USP6NL: variants seen among roughly 807,000 people sequenced by gnomAD.
The protein encoded by USP6NL is USP6 N-terminal like.
A neutral mutation model predicts 61.9 loss-of-function variants in USP6NL; 26 were observed. That is an observed-to-expected ratio of 0.42 (90% CI 0.31 to 0.58). The LOEUF (loss-of-function observed/expected upper bound fraction) is 0.58. Among genes scored for constraint, USP6NL ranks in the 20% least tolerant of loss-of-function variants. USP6NL has a pLI of 0.16. For synonymous variants in USP6NL, 432 were observed against 390.1 expected (o/e 1.11, Z -1.27); for missense variants, 1,114 against 1,034.3 (o/e 1.08, Z -1.06).
intron 6 of USP6NL, among the ~76,000 whole-genome samples, chr10:11,504,794 A>G (rs867892733): frequency 2.6e-5 from 4 of 152,254 alleles, no homozygotes; most frequent in African/African-American, 7.2e-5. Context: ...AGAATCCTTT[A>G]TCATAAAACA....
At position 11,479,127 on chromosome 10, in the gene USP6NL, T is replaced by A. The variant is rs553493620; in HGVS notation, c.1078+2643A>T. Among the ~76,000 whole-genome samples, 160 of 152,220 alleles carry A rather than the reference T, an allele frequency of 1.1e-3. 2 individuals are homozygous for A. The South Asian group carries it at 0.011, about 10-fold the overall frequency. ...TGTACCCATAAGCACTGAAAACATA[T>A]AAATGTTAGAAGAGAAATATGGGTA... On this transcript the variant is annotated intron_variant, in intron 14 of 14. Coordinates refer to ENST00000609104, the MANE Select transcript of USP6NL (RefSeq NM_014688.5).
chr10:11,546,875 A>T (rs1359963121), intron 2 of USP6NL, among the ~76,000 whole-genome samples: 1 of 152,184 alleles, frequency 6.6e-6, no homozygotes, highest in Non-Finnish European at 1.5e-5. Flanking sequence ...TTCTTTATTG[A>T]TATACGCTTT....
chr10:11,483,970 C>G (rs907305408), intron 13 of USP6NL, among the ~76,000 whole-genome samples: 4 of 152,160 alleles, frequency 2.6e-5, no homozygotes, highest in Admixed American at 6.5e-5. Flanking sequence ...CCATGCTTTT[C>G]AAGTAAGCAA....
At chr10:11,475,070 G>A (rs184865468) in intron 14 of USP6NL, among the ~76,000 whole-genome samples, 93 of 152,320 alleles carry the variant, frequency 6.1e-4, no homozygotes, top group African/African-American at 2.2e-3. Context: ...AGTCATAGTG[G>A]ATTAACATAG....
At chr10:11,586,197 C>G (rs776156123) in intron 2 of USP6NL, among the ~76,000 whole-genome samples, 6 of 152,092 alleles carry the variant, frequency 3.9e-5, no homozygotes, top group Non-Finnish European at 8.8e-5. Flanking sequence ...AACTGATATC[C>G]TTGTACACAA....
intron 10 of USP6NL, among the ~76,000 whole-genome samples, chr10:11,488,134 G>A (rs567921609): frequency 3.9e-5 from 6 of 152,226 alleles, no homozygotes; most frequent in East Asian, 3.9e-4. Context: ...ATCTAAGGGC[G>A]GGGGCTGTGG....
At chr10:11,501,421 A>C (rs1834188852) in intron 6 of USP6NL, among the ~76,000 whole-genome samples, 1 of 152,250 alleles carries the variant, frequency 6.6e-6, no homozygotes, top group East Asian at 1.9e-4. Flanking sequence ...GAGTATAACA[A>C]GAAATTGTTA....
chr10:11,604,491 G>A (rs1035034971), intron 1 of USP6NL, among the ~76,000 whole-genome samples: 3 of 152,188 alleles, frequency 2.0e-5, no homozygotes, highest in African/African-American at 7.2e-5. Flanking sequence ...AGTTTCAGGG[G>A]AGAATTTGGA....
chr10:11,523,473 C>A (rs1347099067), intron 4 of USP6NL, among the ~76,000 whole-genome samples: 1 of 152,176 alleles, frequency 6.6e-6, no homozygotes, highest in Non-Finnish European at 1.5e-5. Context: ...TCTTAAAATT[C>A]ATTTTAACTT....
rs1175494846 is a variant in USP6NL, at chr10:11,591,908, C to T, written c.4+5723G>A. 6.6e-6 allele frequency among the ~76,000 whole-genome samples: 1 copy of T among 152,174 alleles called. No homozygotes were observed. Among genetic ancestry groups the T allele is most frequent in the African/African-American group, 2.4e-5 (1 of 41,438 alleles). The stretch of plus-strand genomic sequence containing the variant: ...TATTTTTGAGACAGTCTCACTCTGT[C>T]GCCTGGGCTGGAGTGCAGTGGCTCA... On this transcript the variant is annotated intron_variant, in intron 2 of 14. Transcript: ENST00000609104. This position sits in a 1 kb window ranked among gnomAD's most constrained non-coding sequence, Gnocchi z 4.7.
At position 11,525,409 on chromosome 10, in the gene USP6NL, G is replaced by A. The variant is rs1835374989; in HGVS notation, c.132C>T (p.Val44=). 6.2e-7 allele frequency: 1 copy of A among 1,601,572 alleles called. No homozygotes were observed. The highest frequency in any genetic ancestry group is 1.3e-5 in the African/African-American group (1 of 74,164). The change falls in exon 4 of 15, where the codon GTC becomes GTT. Residue 44 remains valine, a synonymous_variant. Coordinates refer to ENST00000609104, the MANE Select transcript of USP6NL (RefSeq NM_014688.5). This position sits in a 1 kb window ranked among gnomAD's most constrained non-coding sequence, Gnocchi z 5.0. ...WEDADYLVYK[V]TDRFGFLHEE... The stretch of plus-strand genomic sequence containing the variant: ...ACTGTAAAAAGCCAAATCTATCTGT[G>A]ACTTTGTAAACAAGGTAATCAGCAT...
In USP6NL at chr10:11,490,713, A is replaced by G; in HGVS notation, c.543+119T>C. Reference sequence around the variant, plus strand: ...TCAGCTTAAAAAGATCCACAGAGCTAAAGAGACCATGGAGACCACCTAGCT... The same window carrying G: ...TCAGCTTAAAAAGATCCACAGAGCTGAAGAGACCATGGAGACCACCTAGCT... On this transcript the variant is annotated intron_variant, in intron 9 of 14. Transcript: ENST00000609104. The surrounding 1 kb of genome is among the most constrained non-coding windows in gnomAD (Gnocchi z 4.5). 1 of 986,176 alleles carries G rather than the reference A, an allele frequency of 1.0e-6. No individual in the cohort carries two copies. Among genetic ancestry groups the G allele is most frequent in the South Asian group, 1.6e-5 (1 of 63,388 alleles). 61.1% of individuals were successfully genotyped at this position (986,176 alleles called of 1,614,324 possible). A position where few individuals can be genotyped will look rare whatever the true frequency, so the allele number is the denominator to read the frequency against.
rs939088490 is a variant in USP6NL at position 11,481,550 on chromosome 10, C to T, written c.1078+220G>A. ...CTTCTAAATGTAAGCAGGAATAGTA[C>T]AGTCATCTATTAGGAGAGGCAGATT... On this transcript the variant is annotated intron_variant, in intron 14 of 14. Coordinates refer to ENST00000609104, the MANE Select transcript of USP6NL (RefSeq NM_014688.5). This position sits in a 1 kb window ranked among gnomAD's most constrained non-coding sequence, Gnocchi z 4.4. Among the ~76,000 whole-genome samples the T allele has an allele frequency of 6.6e-6, 1 of 152,186 alleles. No homozygotes were observed. The highest frequency in any genetic ancestry group is 1.5e-5 in the Non-Finnish European group (1 of 68,044).
At chr10:11,571,861 G>A (rs572108174) in intron 2 of USP6NL, among the ~76,000 whole-genome samples, 1 of 145,096 alleles carries the variant, frequency 6.9e-6, no homozygotes, top group South Asian at 2.2e-4. Context: ...TATACTTCCT[G>A]TTTTTCACAA....
At chr10:11,570,754 T>C (rs1009064954) in intron 2 of USP6NL, among the ~76,000 whole-genome samples, 1 of 152,236 alleles carries the variant, frequency 6.6e-6, no homozygotes, top group Non-Finnish European at 1.5e-5. Flanking sequence ...GGCTTTACTT[T>C]TCAGTCGGCT....
At chr10:11,498,020 G>A (rs148806734) in intron 7 of USP6NL, among the ~76,000 whole-genome samples, 3,795 of 151,830 alleles carry the variant, frequency 0.025, 68 homozygotes, top group Non-Finnish European at 0.042. Context: ...GGTGGATCAC[G>A]AGGTCAGGGA....
chr10:11,547,687 T>TGC (rs1836325347), intron 2 of USP6NL, among the ~76,000 whole-genome samples: 1 of 152,022 alleles, frequency 6.6e-6, no homozygotes, highest in Non-Finnish European at 1.5e-5. Context: ...ACTACAGGCA[T>TGC]CCGCCATCAC....
chr10:11,469,071 T>A (rs1052201089), intron 14 of USP6NL, among the ~76,000 whole-genome samples: 1 of 152,176 alleles, frequency 6.6e-6, no homozygotes, highest in African/African-American at 2.4e-5. Flanking sequence ...CATCTATGCA[T>A]CATATTAGAA....
rs1289189784 is a variant in USP6NL at position 11,600,835 on chromosome 10, G to A, written c.-83-3118C>T. 6.6e-6 allele frequency among the ~76,000 whole-genome samples: 1 copy of A among 152,154 alleles called. No homozygotes were observed. The highest frequency in any genetic ancestry group is 1.5e-5 in the Non-Finnish European group (1 of 68,016). Reference sequence around the variant, plus strand: ...ATATAAAAATTAGCTGGGCGTGGTGGCAGCCGCCTGTAATGCCAGCTACTG... The same window carrying A: ...ATATAAAAATTAGCTGGGCGTGGTGACAGCCGCCTGTAATGCCAGCTACTG... On this transcript the variant is annotated intron_variant, in intron 1 of 14. Coordinates refer to ENST00000609104, the MANE Select transcript of USP6NL (RefSeq NM_014688.5). The surrounding 1 kb of genome is among the most constrained non-coding windows in gnomAD (Gnocchi z 4.1).
Sources: allele counts gnomAD v4.1 joint callset (sites outside exome capture counted in the v4.1 genomes callset), GRCh38; gene constraint gnomAD v4.1.1; non-coding constraint Gnocchi (gnomAD v3.1); transcripts MANE v1.5; gene names NCBI Gene and HGNC (gene_info 2026-07-23, HGNC 2026-07-21).